Variants in CEBPZOS observed in about 807,000 individuals in gnomAD.
CEBPZOS encodes the protein CEBPZ opposite strand, also known as protein CEBPZOS.
CEBPZOS carries 10 observed loss-of-function variants against 4.8 expected under a neutral mutation model. That is an observed-to-expected ratio of 2.07 (90% CI 1.28 to 3.52). CEBPZOS has a LOEUF of 3.52. CEBPZOS is among the 30% of genes most tolerant of loss of function. The probability of loss-of-function intolerance (pLI) is 0.00; values close to 1 mark genes in which losing one functional copy is unlikely to be tolerated. For synonymous variants in CEBPZOS, 25 were observed against 14.2 expected (o/e 1.77, Z -1.72); for missense variants, 98 against 43.6 (o/e 2.25, Z -3.51).
At chr2:37,198,875 G>A (rs911063193) in intron 1 of CEBPZOS, among the ~76,000 whole-genome samples, 1 of 152,072 alleles carries the variant, frequency 6.6e-6, no homozygotes, top group Non-Finnish European at 1.5e-5. Context: ...CTGCGAAAGG[G>A]CAGATTACTG....
downstream of CEBPZOS, chr2:37,216,010 G>T: frequency 1.5e-6 from 1 of 669,470 alleles, no homozygotes; most frequent in South Asian, 2.9e-5. Flanking sequence ...CCTATTCTTG[G>T]GAAAAAAGAT....
At chr2:37,211,578 C>A (rs1332182955) in intron 4 of CEBPZOS, 1 of 362,736 alleles carries the variant, frequency 2.8e-6, no homozygotes, top group Non-Finnish European at 4.9e-6. Flanking sequence ...AGCATTTCAG[C>A]TCAACATGTA....
At chr2:37,209,628 T>C (rs748035818), downstream of CEBPZOS, 4 of 152,148 alleles carry the variant, frequency 2.6e-5, no homozygotes, top group Non-Finnish European at 5.9e-5. Flanking sequence ...TCTCACCTTA[T>C]GCAGAAAACT....
chr2:37,198,387 C>T (rs1442441210), intron 1 of CEBPZOS: 1 of 152,070 alleles, frequency 6.6e-6, no homozygotes, highest in Non-Finnish European at 1.5e-5. Context: ...AGGGTGATCA[C>T]ATTATTAAAA....
At chr2:37,214,514 AATT>A (rs1169020388), downstream of CEBPZOS, among the ~76,000 whole-genome samples, 2 of 152,140 alleles carry the variant, frequency 1.3e-5, no homozygotes, top group Admixed American at 6.5e-5. Flanking sequence ...CTATAAAGAA[AATT>A]ATTATAAAAG....
chr2:37,211,837 G>C (rs1174781448), intron 4 of CEBPZOS: 3 of 1,573,308 alleles, frequency 1.9e-6, no homozygotes, highest in Non-Finnish European at 2.6e-6. Flanking sequence ...TTTAAAAAAT[G>C]CTTACCTGGA....
rs989334602 is a variant in CEBPZOS at position 37,201,671 on chromosome 2, A to T, written c.190A>T (p.Met64Leu). 8.8e-6 allele frequency: 7 copies of T among 797,758 alleles called. No homozygotes were observed. The highest frequency in any genetic ancestry group is 1.5e-5 in the Non-Finnish European group (7 of 459,292). 49.4% of individuals were successfully genotyped at this position (797,758 alleles called of 1,614,324 possible). A position where few individuals can be genotyped will look rare whatever the true frequency, so the allele number is the denominator to read the frequency against. Reference sequence around the variant, plus strand: ...TTACAAATCCACTGAGAAGTCTGGAATGTATGGAATCAGAGAGCTAGATCA... The same window carrying T: ...TTACAAATCCACTGAGAAGTCTGGATTGTATGGAATCAGAGAGCTAGATCA... ...VYYKSTEKSG[M>L]YGIRELDQKT... The change falls in exon 4 of 5, where the codon ATG (methionine) becomes TTG (leucine). Residue 64 changes from methionine (M) to leucine (L), a missense_variant. Physicochemically the swap from Met to Leu is conservative, Grantham distance 15 (BLOSUM62 2). Transcript: ENST00000402297.
At chr2:37,210,105 A>T in intron 4 of CEBPZOS, 1 of 152,176 alleles carries the variant, frequency 6.6e-6, no homozygotes, top group Admixed American at 6.6e-5. Context: ...GAATGGCCGT[A>T]ATTTAAAAAT....
rs745722794 is a variant in CEBPZOS, at chr2:37,203,608, G to T, written c.*1748G>T. 2 of 152,096 alleles carry T rather than the reference G, an allele frequency of 1.3e-5. No individual in the cohort carries two copies. The highest frequency in any genetic ancestry group is 2.9e-5 in the Non-Finnish European group (2 of 68,018). The allele number at this position is 152,096 out of a possible 1,614,324, so 9.4% of individuals were successfully genotyped here. A position where few individuals can be genotyped will look rare whatever the true frequency, so the allele number is the denominator to read the frequency against. On this transcript the variant is annotated 3_prime_UTR_variant, in exon 5 of 5. Coordinates refer to ENST00000402297, the MANE Select transcript of CEBPZOS (RefSeq NM_001322374.2). ...TACTAAATACAGATCATAACATTCA[G>T]CTGTTTTAAGTGTATTAACGCATTT...
At chr2:37,205,911 C>G (rs1251224625), downstream of CEBPZOS, among the ~76,000 whole-genome samples, 2 of 152,056 alleles carry the variant, frequency 1.3e-5, no homozygotes, top group African/African-American at 4.8e-5. Flanking sequence ...AATAAAGGAG[C>G]ATGGATTATT....
At chr2:37,198,173 A>AT (rs1207574200) in intron 1 of CEBPZOS, among the ~76,000 whole-genome samples, 1 of 150,296 alleles carries the variant, frequency 6.7e-6, no homozygotes, top group Admixed American at 6.6e-5. Context: ...AAATAAAATA[A>AT]AAAAAAAATA....
chr2:37,213,030 G>A (rs995181009), intron 4 of CEBPZOS, among the ~76,000 whole-genome samples: 1 of 151,484 alleles, frequency 6.6e-6, no homozygotes, highest in African/African-American at 2.4e-5. Context: ...CTGGGAGACA[G>A]AGAGAGCCTG....
chr2:37,203,075 A>T lies in CEBPZOS; in HGVS notation c.*1215A>T. The T allele has an allele frequency of 9.3e-7, 1 of 1,077,450 alleles. No individual in the cohort carries two copies. The highest frequency in any genetic ancestry group is 1.3e-6 in the Non-Finnish European group (1 of 753,502). The allele number at this position is 1,077,450 out of a possible 1,614,324, so 66.7% of individuals were successfully genotyped here. ...AATGATTTTAGAAAAATGCAATGCA[A>T]CATGATTTTATTTTAAAAATTATAC... On this transcript the variant is annotated 3_prime_UTR_variant, in exon 5 of 5. Coordinates refer to ENST00000402297, the MANE Select transcript of CEBPZOS (RefSeq NM_001322374.2).
downstream of CEBPZOS, among the ~76,000 whole-genome samples, chr2:37,205,837 T>A (rs1408966316): frequency 4.6e-5 from 7 of 152,204 alleles, no homozygotes; most frequent in African/African-American, 1.4e-4. Flanking sequence ...TGAAGCAGAA[T>A]CTTGTAAGAT....
At chr2:37,214,394 T>G (rs1229716258), downstream of CEBPZOS, among the ~76,000 whole-genome samples, 1 of 152,150 alleles carries the variant, frequency 6.6e-6, no homozygotes, top group Non-Finnish European at 1.5e-5. Context: ...TCTATAACAG[T>G]GCACTGAATC....
downstream of CEBPZOS, among the ~76,000 whole-genome samples, chr2:37,214,359 G>C (rs1677816726): frequency 6.6e-6 from 1 of 152,136 alleles, no homozygotes; most frequent in Non-Finnish European, 1.5e-5. Flanking sequence ...ATTAGGTTAT[G>C]ATACTAGTTG....
At chr2:37,210,935 A>G in intron 4 of CEBPZOS, 1 of 1,216,888 alleles carries the variant, frequency 8.2e-7, no homozygotes. Flanking sequence ...TTCATTTCCC[A>G]AAATGATAAT....
intron 4 of CEBPZOS, chr2:37,212,322 A>AC (rs755037102): frequency 1.2e-6 from 2 of 1,608,768 alleles, no homozygotes; most frequent in Non-Finnish European, 1.7e-6. Flanking sequence ...AGGAGAAGAT[A>AC]GAAGTATGTT....
intron 4 of CEBPZOS, chr2:37,211,931 TC>T: frequency 1.2e-6 from 2 of 1,613,704 alleles, no homozygotes; most frequent in Non-Finnish European, 1.7e-6. Context: ...CATCCATACT[TC>T]CTAAAGAAAC....
Sources: gnomAD v4.1 joint callset for allele counts (sites outside exome capture counted in the v4.1 genomes callset) on GRCh38, gnomAD v4.1.1 for gene constraint, MANE v1.5 for transcripts, NCBI Gene and HGNC (gene_info 2026-07-23, HGNC 2026-07-21) for gene names.